The following GMDS variants were observed in gnomAD, a reference collection of about 807,000 sequenced individuals.
GMDS encodes GDP-mannose 4,6 dehydratase.
In GMDS, 20 loss-of-function variants were observed where a neutral mutation model predicts 49.9. That is an observed-to-expected ratio of 0.40 (90% CI 0.28 to 0.58). The LOEUF (loss-of-function observed/expected upper bound fraction) is 0.58. Among genes scored for constraint, GMDS ranks in the 20% least tolerant of loss-of-function variants. The pLI, the probability that GMDS is intolerant of heterozygous loss-of-function variation, is 0.42. For synonymous variants in GMDS, 177 were observed against 178.6 expected (o/e 0.99, Z 0.07); for missense variants, 362 against 481.4 (o/e 0.75, Z 2.32).
intron 9 of GMDS, among the ~76,000 whole-genome samples, chr6:1,694,863 G>C (rs1765285781): frequency 6.6e-6 from 1 of 152,182 alleles, no homozygotes; most frequent in Non-Finnish European, 1.5e-5. Context: ...TACTTTTATA[G>C]ATTCCTACCT....
intron 4 of GMDS, among the ~76,000 whole-genome samples, chr6:2,065,509 T>G (rs994775871): frequency 1.3e-5 from 2 of 152,076 alleles, no homozygotes; most frequent in African/African-American, 4.8e-5. Context: ...GGCAAAGAAG[T>G]TGAAAACTTT....
chr6:1,925,238 G>A (rs1419767959), intron 7 of GMDS, among the ~76,000 whole-genome samples: 2 of 152,060 alleles, frequency 1.3e-5, no homozygotes, highest in Non-Finnish European at 2.9e-5. Flanking sequence ...ACTTTATTCA[G>A]AAGTACAATA....
intron 4 of GMDS, among the ~76,000 whole-genome samples, chr6:1,996,131 TTCC>T (rs1419216855): frequency 2.0e-5 from 3 of 151,778 alleles, no homozygotes; most frequent in East Asian, 1.9e-4. Flanking sequence ...TCCTTCCTCC[TTCC>T]TCTTCTTCCT....
intron 7 of GMDS, among the ~76,000 whole-genome samples, chr6:1,784,666 A>G (rs1185457549): frequency 5.9e-5 from 9 of 152,220 alleles, no homozygotes; most frequent in Admixed American, 5.2e-4. Flanking sequence ...TGACACCCTT[A>G]TGCCACTTCT....
At chr6:2,073,721 G>A (rs894530734) in intron 4 of GMDS, among the ~76,000 whole-genome samples, 2 of 152,130 alleles carry the variant, frequency 1.3e-5, no homozygotes, top group Non-Finnish European at 2.9e-5. Context: ...ACTGCCACAA[G>A]GGTAAGTTTT....
At chr6:1,817,859 G>A (rs1026844982) in intron 7 of GMDS, among the ~76,000 whole-genome samples, 1 of 152,012 alleles carries the variant, frequency 6.6e-6, no homozygotes, top group African/African-American at 2.4e-5. Context: ...TTCCCAGTAC[G>A]GTAAGGAAGA....
chr6:1,978,723 C>T (rs1765058841), intron 4 of GMDS, among the ~76,000 whole-genome samples: 1 of 152,196 alleles, frequency 6.6e-6, no homozygotes. Context: ...GGATCCCCAA[C>T]ACAGCATAGC....
chr6:1,817,784 T>C (rs1770731365), intron 7 of GMDS, among the ~76,000 whole-genome samples: 1 of 152,158 alleles, frequency 6.6e-6, no homozygotes, highest in Admixed American at 6.5e-5. Flanking sequence ...ACTCTCTCAA[T>C]ACTTCAAGGG....
chr6:1,772,698 G>A (rs1768628989), intron 7 of GMDS, among the ~76,000 whole-genome samples: 2 of 152,272 alleles, frequency 1.3e-5, no homozygotes, highest in Non-Finnish European at 1.5e-5. Context: ...GACTGCAGAC[G>A]AAGCCTGGCT....
intron 4 of GMDS, among the ~76,000 whole-genome samples, chr6:1,993,074 A>C (rs1411367463): frequency 6.6e-6 from 1 of 152,170 alleles, no homozygotes; most frequent in Non-Finnish European, 1.5e-5. Context: ...CTACAGAATA[A>C]ATACTAGATT....
chr6:1,963,669 G>C (rs1324494708), intron 4 of GMDS, among the ~76,000 whole-genome samples: 1 of 151,922 alleles, frequency 6.6e-6, no homozygotes, highest in Non-Finnish European at 1.5e-5. Context: ...TTTTGCACTG[G>C]GTCTTTTTGT....
intron 7 of GMDS, among the ~76,000 whole-genome samples, chr6:1,763,169 T>C (rs951802692): frequency 2.6e-5 from 4 of 152,240 alleles, no homozygotes; most frequent in African/African-American, 9.6e-5. Flanking sequence ...CGTGCGAAGA[T>C]GCTGGCAGAT....
intron 9 of GMDS, among the ~76,000 whole-genome samples, chr6:1,671,825 C>A (rs528031978): frequency 6.6e-6 from 1 of 151,946 alleles, no homozygotes; most frequent in East Asian, 1.9e-4. Context: ...CCACCACACC[C>A]GGCTAATTTT....
intron 1 of GMDS, among the ~76,000 whole-genome samples, chr6:2,186,893 A>C (rs986936448): frequency 8.5e-5 from 13 of 152,348 alleles, no homozygotes; most frequent in African/African-American, 3.1e-4. Flanking sequence ...CATATTTATA[A>C]TTATGCATGT....
At chr6:1,765,044 C>T (rs1037111663) in intron 7 of GMDS, among the ~76,000 whole-genome samples, 2 of 151,938 alleles carry the variant, frequency 1.3e-5, no homozygotes, top group African/African-American at 2.4e-5. Flanking sequence ...TTTTTTTCCC[C>T]CCAGTGTGAC....
chr6:1,666,856 CA>C lies in GMDS; in HGVS notation c.988-42317del, dbSNP rs1764254450. Among the ~76,000 whole-genome samples the C allele has an allele frequency of 3.9e-5, 6 of 152,354 alleles. 1 individual carries two copies. In the South Asian group the frequency reaches 1.2e-3, roughly 32 times the overall value. On this transcript the variant is annotated intron_variant, in intron 9 of 10. Transcript: ENST00000380815. The stretch of plus-strand genomic sequence containing the variant: ...TCTCCTCTCTTTGACAGCCTGAACT[CA>C]GCTTGGCACTGGCTTTCTATCCACC...
intron 7 of GMDS, among the ~76,000 whole-genome samples, chr6:1,818,401 A>C (rs930173102): frequency 1.3e-4 from 20 of 152,168 alleles, no homozygotes; most frequent in African/African-American, 4.6e-4. Flanking sequence ...TGAGGTCAGG[A>C]GTTCAAGACC....
At chr6:1,812,270 A>ATT (rs1770464782) in intron 7 of GMDS, among the ~76,000 whole-genome samples, 2 of 152,286 alleles carry the variant, frequency 1.3e-5, no homozygotes, top group East Asian at 3.9e-4. Context: ...CAGGACTCCG[A>ATT]GCACAGAGCA....
intron 7 of GMDS, among the ~76,000 whole-genome samples, chr6:1,879,210 T>G (rs924322628): frequency 1.3e-5 from 2 of 152,184 alleles, no homozygotes; most frequent in Non-Finnish European, 2.9e-5. Flanking sequence ...AAATTAAAAT[T>G]AAGTAAAAAT....
Sources: gnomAD v4.1 joint callset for allele counts (sites outside exome capture counted in the v4.1 genomes callset) on GRCh38, gnomAD v4.1.1 for gene constraint, MANE v1.5 for transcripts, NCBI Gene and HGNC (gene_info 2026-07-23, HGNC 2026-07-21) for gene names.